BLTP3B: variants seen among roughly 807,000 people sequenced by gnomAD.
BLTP3B encodes UHRF1 (ICBP90) binding protein 1-like.
the BLTP3B span, among the ~76,000 whole-genome samples, chr12:100,077,571 T>A: frequency 1.3e-5 from 2 of 152,208 alleles, no homozygotes; most frequent in Admixed American, 1.3e-4. Flanking sequence ...GTCAGCAGCA[T>A]CCCTGTCCAG....
chr12:100,103,344 G>T, the BLTP3B span, among the ~76,000 whole-genome samples: 1 of 151,974 alleles, frequency 6.6e-6, no homozygotes, highest in African/African-American at 2.4e-5. Flanking sequence ...TCTTTCTCAG[G>T]GTAATATTTT....
At chr12:100,122,056 G>A in the BLTP3B span, among the ~76,000 whole-genome samples, 4 of 151,958 alleles carry the variant, frequency 2.6e-5, no homozygotes, top group African/African-American at 9.7e-5. Flanking sequence ...GATTACTTAA[G>A]CCCAGGAGTT....
the BLTP3B span, among the ~76,000 whole-genome samples, chr12:100,122,408 A>G: frequency 6.6e-6 from 1 of 152,202 alleles, no homozygotes; most frequent in Admixed American, 6.5e-5. Flanking sequence ...TCAAACCTGT[A>G]CAATTTTAGT....
the BLTP3B span, chr12:100,098,244 A>T: frequency 8.1e-7 from 1 of 1,241,842 alleles, no homozygotes; most frequent in Non-Finnish European, 1.1e-6. Flanking sequence ...AAAAAGTAAT[A>T]CAGAGAAAAG....
At chr12:100,134,917 G>A in the BLTP3B span, among the ~76,000 whole-genome samples, 2 of 152,138 alleles carry the variant, frequency 1.3e-5, no homozygotes, top group Admixed American at 6.5e-5. Context: ...ATCTGCCTTC[G>A]TTCAATCCAA....
the BLTP3B span, among the ~76,000 whole-genome samples, chr12:100,096,222 C>T: frequency 4.0e-5 from 6 of 151,800 alleles, no homozygotes; most frequent in African/African-American, 1.5e-4. Context: ...CCATTGCACT[C>T]CAGCCTGGGT....
chr12:100,094,111 ATTTG>A, the BLTP3B span, among the ~76,000 whole-genome samples: 1 of 151,882 alleles, frequency 6.6e-6, no homozygotes, highest in Non-Finnish European at 1.5e-5. Flanking sequence ...TGATTTGGGG[ATTTG>A]TTTGTTTTCC....
At chr12:100,067,390 A>G in the BLTP3B span, among the ~76,000 whole-genome samples, 1 of 152,136 alleles carries the variant, frequency 6.6e-6, no homozygotes, top group Non-Finnish European at 1.5e-5. Flanking sequence ...ACAAAAGACA[A>G]ATTAAACAAA....
At chr12:100,058,784 A>G in the BLTP3B span, 1 of 1,614,018 alleles carries the variant, frequency 6.2e-7, no homozygotes, top group Non-Finnish European at 8.5e-7. Flanking sequence ...TAAGTGACTC[A>G]TGCAGGAAAA....
At chr12:100,106,311 T>C in the BLTP3B span, among the ~76,000 whole-genome samples, 11 of 150,934 alleles carry the variant, frequency 7.3e-5, no homozygotes, top group Admixed American at 4.6e-4. Flanking sequence ...GACACATATG[T>C]CTATTGCAAC....
the BLTP3B span, chr12:100,082,951 T>C: frequency 1.7e-6 from 2 of 1,166,830 alleles, no homozygotes; most frequent in Admixed American, 3.9e-5. Flanking sequence ...GCATTTGTTA[T>C]TTAAGTTGCT....
chr12:100,122,666 G>A, the BLTP3B span, among the ~76,000 whole-genome samples: 4 of 152,086 alleles, frequency 2.6e-5, no homozygotes, highest in African/African-American at 9.7e-5. Context: ...ATAAAACTTT[G>A]TTTCCAAAAA....
chr12:100,050,165 T>TA, the BLTP3B span: 1 of 1,477,266 alleles, frequency 6.8e-7, no homozygotes, highest in African/African-American at 1.4e-5. Flanking sequence ...AAAAAAAACT[T>TA]ACCAACTGGA....
At chr12:100,121,092 A>G in the BLTP3B span, among the ~76,000 whole-genome samples, 1 of 152,194 alleles carries the variant, frequency 6.6e-6, no homozygotes, top group South Asian at 2.1e-4. Context: ...ACACGCCTGT[A>G]ATCCCAGCAC....
At chr12:100,104,315 G>A in the BLTP3B span, among the ~76,000 whole-genome samples, 8 of 147,958 alleles carry the variant, frequency 5.4e-5, no homozygotes, top group South Asian at 2.1e-4. Context: ...AGCAATTCTC[G>A]TGCCTCAGCC....
At chr12:100,054,663 T>C in the BLTP3B span, among the ~76,000 whole-genome samples, 1 of 152,172 alleles carries the variant, frequency 6.6e-6, no homozygotes, top group Non-Finnish European at 1.5e-5. Flanking sequence ...TTAGTACCTC[T>C]TCTACATTTA....
chr12:100,120,787 T>C, the BLTP3B span, among the ~76,000 whole-genome samples: 3 of 149,598 alleles, frequency 2.0e-5, no homozygotes, highest in African/African-American at 7.5e-5. Context: ...GCACATACAA[T>C]TATGTAAGAG....
chr12:100,088,888 T>C, the BLTP3B span: 1 of 1,483,732 alleles, frequency 6.7e-7, no homozygotes, highest in Admixed American at 2.6e-5. Flanking sequence ...AAAACCAAAA[T>C]AGTTTGAAAT....
At chr12:100,072,087 C>T in the BLTP3B span, among the ~76,000 whole-genome samples, 1 of 151,804 alleles carries the variant, frequency 6.6e-6, no homozygotes, top group Admixed American at 6.5e-5. Flanking sequence ...ATGGTGAAAC[C>T]CTGTCTCTAG....
Sources: gnomAD v4.1 joint callset for allele counts (sites outside exome capture counted in the v4.1 genomes callset) on GRCh38, gnomAD v4.1.1 for gene constraint, MANE v1.5 for transcripts, NCBI Gene and HGNC (gene_info 2026-07-23, HGNC 2026-07-21) for gene names.